Variants in ACCSL observed in about 807,000 individuals in gnomAD.
ACCSL encodes the protein probable inactive 1-aminocyclopropane-1-carboxylate synthase-like protein 2.
In ACCSL, 55 loss-of-function variants were observed where a neutral mutation model predicts 61.7. The observed-to-expected ratio is 0.89, with a 90% CI of 0.72 to 1.12. The LOEUF is 1.12. Among genes scored for constraint, ACCSL ranks in the 50% most tolerant of loss-of-function variants. ACCSL has a pLI of 0.00. For missense variants in ACCSL, 632 were observed against 698.0 expected, an observed-to-expected ratio of 0.91 and a Z score of 1.07; for synonymous variants, 258 against 264.3, an observed-to-expected ratio of 0.98 and a Z score of 0.23.
the ACCSL span, among the ~76,000 whole-genome samples, chr11:43,965,063 T>C: frequency 1.3e-5 from 2 of 152,204 alleles, no homozygotes; most frequent in African/African-American, 2.4e-5. Flanking sequence ...CATTGCTATT[T>C]AACGTTGTAC....
the ACCSL span, among the ~76,000 whole-genome samples, chr11:43,930,945 G>GC: frequency 6.6e-6 from 1 of 152,080 alleles, no homozygotes; most frequent in African/African-American, 2.4e-5. Context: ...GCTGACCATG[G>GC]CCCCCAAACT....
chr11:44,018,304 A>C, the ACCSL span, among the ~76,000 whole-genome samples: 399 of 152,308 alleles, frequency 2.6e-3, 4 homozygotes, highest in East Asian at 0.033. Context: ...CACAGCAGGG[A>C]GGTCTATGCC....
At chr11:43,961,938 A>G in the ACCSL span, among the ~76,000 whole-genome samples, 1 of 152,334 alleles carries the variant, frequency 6.6e-6, no homozygotes, top group South Asian at 2.1e-4. Context: ...ACTCTGTAAC[A>G]GGGCCTTTGA....
chr11:43,969,145 T>G, the ACCSL span, among the ~76,000 whole-genome samples: 1 of 152,074 alleles, frequency 6.6e-6, no homozygotes, highest in Non-Finnish European at 1.5e-5. Flanking sequence ...GGTCAGAAGT[T>G]CGAGCCCAGC....
chr11:43,921,141 TAG>T, the ACCSL span: 1 of 152,264 alleles, frequency 6.6e-6, no homozygotes, highest in Non-Finnish European at 1.5e-5. Context: ...GCGGGAGAGT[TAG>T]AGTTTCTCTG....
the ACCSL span, among the ~76,000 whole-genome samples, chr11:43,973,574 C>T: frequency 6.6e-6 from 1 of 152,174 alleles, no homozygotes; most frequent in Non-Finnish European, 1.5e-5. Context: ...GGCCTGCTCT[C>T]AACCCTTGTG....
chr11:44,042,237 C>G, the ACCSL span, among the ~76,000 whole-genome samples: 1 of 152,076 alleles, frequency 6.6e-6, no homozygotes, highest in Non-Finnish European at 1.5e-5. Context: ...GAGTAATATA[C>G]TCCTTTAAAT....
chr11:43,978,525 G>A, the ACCSL span, among the ~76,000 whole-genome samples: 3 of 152,130 alleles, frequency 2.0e-5, no homozygotes, highest in African/African-American at 7.2e-5. Context: ...CAAGGTACAG[G>A]CATCAAAGGG....
At chr11:43,943,767 G>A in the ACCSL span, 31 of 1,304,052 alleles carry the variant, frequency 2.4e-5, no homozygotes, top group Non-Finnish European at 3.1e-5. This position sits in a 1 kb window ranked among gnomAD's most constrained non-coding sequence, Gnocchi z 4.8. Flanking sequence ...CTGGAGGATT[G>A]ATATTTATTT....
the ACCSL span, among the ~76,000 whole-genome samples, chr11:44,031,860 C>T: frequency 2.0e-5 from 3 of 152,024 alleles, no homozygotes; most frequent in Admixed American, 6.6e-5. Context: ...TGGACAGTCG[C>T]GGGGGCTGTC....
At chr11:43,943,537 T>C in the ACCSL span, 1 of 1,324,306 alleles carries the variant, frequency 7.6e-7, no homozygotes, top group African/African-American at 1.5e-5. The surrounding 1 kb of genome is among the most constrained non-coding windows in gnomAD (Gnocchi z 4.8). Flanking sequence ...GTGCGAACTC[T>C]GCTGTGAGTG....
chr11:43,993,568 GAT>G, the ACCSL span, among the ~76,000 whole-genome samples: 1 of 152,158 alleles, frequency 6.6e-6, no homozygotes, highest in Non-Finnish European at 1.5e-5. Flanking sequence ...GTTTGAAAGG[GAT>G]CTTTGAAAGC....
chr11:43,991,650 C>T, the ACCSL span, among the ~76,000 whole-genome samples: 43 of 152,228 alleles, frequency 2.8e-4, 1 homozygote, highest in South Asian at 1.7e-3. Flanking sequence ...AAAAATTAGC[C>T]GGGCCTGGTG....
the ACCSL span, among the ~76,000 whole-genome samples, chr11:43,929,456 G>C: frequency 1.3e-5 from 2 of 152,044 alleles, no homozygotes; most frequent in African/African-American, 4.8e-5. Flanking sequence ...TGCCCAGACT[G>C]GAGTGAAGTG....
chr11:44,040,730 G>A, the ACCSL span, among the ~76,000 whole-genome samples: 1 of 152,206 alleles, frequency 6.6e-6, no homozygotes, highest in Non-Finnish European at 1.5e-5. Flanking sequence ...TGTAGAGTGA[G>A]AGAGGTACTT....
chr11:43,945,981 C>T, the ACCSL span, among the ~76,000 whole-genome samples: 1 of 152,226 alleles, frequency 6.6e-6, no homozygotes, highest in African/African-American at 2.4e-5. Context: ...CAGCTGTGGG[C>T]AGGCCCAGCA....
chr11:43,996,204 G>A, the ACCSL span, among the ~76,000 whole-genome samples: 1 of 152,228 alleles, frequency 6.6e-6, no homozygotes, highest in East Asian at 1.9e-4. Flanking sequence ...AACTGTGAGA[G>A]GATAAATTTC....
chr11:43,943,404 C>G, the ACCSL span: 1 of 1,401,538 alleles, frequency 7.1e-7, no homozygotes, highest in Non-Finnish European at 9.3e-7. This position sits in a 1 kb window ranked among gnomAD's most constrained non-coding sequence, Gnocchi z 4.8. Flanking sequence ...CTCGCGCGCT[C>G]GGACTCCCGC....
At chr11:43,945,882 C>T in the ACCSL span, among the ~76,000 whole-genome samples, 2 of 152,016 alleles carry the variant, frequency 1.3e-5, no homozygotes, top group Non-Finnish European at 1.5e-5. Flanking sequence ...CAAAAAGAAC[C>T]TCCTGCTGCC....
Sources: gnomAD v4.1 joint callset for allele counts (sites outside exome capture counted in the v4.1 genomes callset) on GRCh38, gnomAD v4.1.1 for gene constraint, Gnocchi (gnomAD v3.1) non-coding constraint, MANE v1.5 for transcripts, NCBI Gene and HGNC (gene_info 2026-07-23, HGNC 2026-07-21) for gene names.